The following MASP1 variants were observed in gnomAD, a reference collection of about 807,000 sequenced individuals.
MASP1 encodes the protein mannan-binding lectin serine protease 1.
Under a neutral mutation model 77.1 loss-of-function variants are expected in MASP1, and 59 were observed. The ratio of observed to expected loss-of-function variants is 0.77; its 90% confidence interval spans 0.62 to 0.95. MASP1 has a LOEUF of 0.95. Among genes scored for constraint, MASP1 ranks in the 40% least tolerant of loss-of-function variants. The pLI, the probability that MASP1 is intolerant of heterozygous loss-of-function variation, is 0.00. For missense variants in MASP1, 885 were observed against 912.9 expected (o/e 0.97, Z 0.39); for synonymous variants, 362 against 354.5 (o/e 1.02, Z -0.24).
At chr3:187,270,493 A>G (rs1194960652) in intron 2 of MASP1, among the ~76,000 whole-genome samples, 2 of 152,020 alleles carry the variant, frequency 1.3e-5, no homozygotes, top group Non-Finnish European at 2.9e-5. Context: ...CCCATTAGTA[A>G]TTTAACATCC....
chr3:187,240,223 C>T (rs1045452827), intron 10 of MASP1, among the ~76,000 whole-genome samples: 2 of 148,788 alleles, frequency 1.3e-5, no homozygotes, highest in African/African-American at 5.0e-5. Flanking sequence ...ATATACCAAC[C>T]GTGTACTAGT....
At chr3:187,264,152 G>T (rs1715829257) in intron 2 of MASP1, among the ~76,000 whole-genome samples, 1 of 152,158 alleles carries the variant, frequency 6.6e-6, no homozygotes, top group Non-Finnish European at 1.5e-5. Flanking sequence ...GAAACTAATG[G>T]TTTATTTATT....
chr3:187,259,239 C>T (rs1715356816), intron 4 of MASP1, among the ~76,000 whole-genome samples: 1 of 152,048 alleles, frequency 6.6e-6, no homozygotes, highest in South Asian at 2.1e-4. Flanking sequence ...AATGAGAAAA[C>T]TGTAGTTCTG....
chr3:187,262,185 T>G (rs1323780595), intron 3 of MASP1, among the ~76,000 whole-genome samples: 1 of 152,144 alleles, frequency 6.6e-6, no homozygotes, highest in Non-Finnish European at 1.5e-5. Context: ...TTTTCAAAAT[T>G]CAACAAATGT....
In MASP1 at chr3:187,235,720, T is replaced by C. The variant is rs775347263; in HGVS notation, c.2151A>G (p.Leu717=). The change falls in exon 11 of 11, where the codon TTA becomes TTG. Residue 717 remains leucine (L), a synonymous_variant. Transcript: ENST00000296280. ...CCTGGGGCTCCACAACACTTTGTGG[T>C]AAGCCCATCTGCTCCCACACCCAGT... ...YVDWVWEQMG[L]PQSVVEPQVE... 2 of 1,614,154 alleles carry C rather than the reference T, an allele frequency of 1.2e-6. No homozygotes were observed. The highest frequency in any genetic ancestry group is 8.5e-7 in the Non-Finnish European group (1 of 1,180,014).
At chr3:187,225,871 A>C (rs1327663095) in intron 12 of MASP1, among the ~76,000 whole-genome samples, 1 of 152,124 alleles carries the variant, frequency 6.6e-6, no homozygotes, top group Non-Finnish European at 1.5e-5. Flanking sequence ...CTCCCATGGC[A>C]TTTTATCTGT....
At chr3:187,288,067 G>T in intron 1 of MASP1, among the ~76,000 whole-genome samples, 1 of 152,138 alleles carries the variant, frequency 6.6e-6, no homozygotes, top group East Asian at 1.9e-4. Flanking sequence ...GTTTACATTT[G>T]TCAAGAAGGA....
At chr3:187,282,441 G>A (rs1271547764) in intron 2 of MASP1, among the ~76,000 whole-genome samples, 1 of 149,802 alleles carries the variant, frequency 6.7e-6, no homozygotes, top group Non-Finnish European at 1.5e-5. Context: ...AGTTTGCACT[G>A]AGCCGAGATC....
At chr3:187,271,026 C>T (rs1244439177) in intron 2 of MASP1, among the ~76,000 whole-genome samples, 2 of 152,174 alleles carry the variant, frequency 1.3e-5, no homozygotes, top group Non-Finnish European at 2.9e-5. Context: ...TATCACACAG[C>T]AATAGATAAC....
At chr3:187,270,114 T>C (rs1349061518) in intron 2 of MASP1, among the ~76,000 whole-genome samples, 2 of 152,252 alleles carry the variant, frequency 1.3e-5, no homozygotes, top group African/African-American at 4.8e-5. Context: ...CACTGCTCAT[T>C]GATTGGCCTA....
intron 8 of MASP1, chr3:187,246,945 T>C: frequency 1.8e-6 from 2 of 1,097,534 alleles, no homozygotes; most frequent in African/African-American, 3.3e-5. Context: ...AAACTTGACA[T>C]GTAGAATGGA....
Position 187,241,392 on chromosome 3 carries a change from C to A in MASP1, c.1303+89G>T, listed in dbSNP as rs181172370. 90 of 995,692 alleles carry A rather than the reference C, an allele frequency of 9.0e-5. 1 individual carries two copies. Among genetic ancestry groups the A allele is most frequent in the East Asian group, 6.0e-4 (25 of 41,932 alleles). The allele number at this position is 995,692 out of a possible 1,614,324, so 61.7% of individuals were successfully genotyped here. On this transcript the variant is annotated intron_variant, in intron 10 of 10. Coordinates refer to ENST00000296280, the MANE Select transcript of MASP1 (RefSeq NM_139125.4). ...CAACCAAAGCATCACCTCCCCTGTC[C>A]CCCATCACCCTGTTAACAGCCAGAA...
At chr3:187,224,340 A>ATTTTTTTT (rs1181826969) in intron 13 of MASP1, among the ~76,000 whole-genome samples, 3 of 102,064 alleles carry the variant, frequency 2.9e-5, no homozygotes, top group East Asian at 2.7e-4. Context: ...TGTGCTGAGT[A>ATTTTTTTT]TTTTTTTTTT....
At chr3:187,275,952 G>A (rs1378690097) in intron 2 of MASP1, among the ~76,000 whole-genome samples, 1 of 152,100 alleles carries the variant, frequency 6.6e-6, no homozygotes, top group Admixed American at 6.5e-5. Flanking sequence ...CAGGAACCCT[G>A]TTTTCCAGTC....
chr3:187,275,737 G>T (rs903775360), intron 2 of MASP1, among the ~76,000 whole-genome samples: 1 of 152,080 alleles, frequency 6.6e-6, no homozygotes, highest in Non-Finnish European at 1.5e-5. Flanking sequence ...CTATCTGAAT[G>T]TCGAATGATA....
Position 187,236,265 on chromosome 3 carries a change from C to G in MASP1, c.1606G>C (p.Ala536Pro), listed in dbSNP as rs1487484849. 6 of 1,614,108 alleles carry G rather than the reference C, an allele frequency of 3.7e-6. No homozygotes were observed. In the African/African-American group the frequency reaches 8.0e-5, roughly 22 times the overall value. The change falls in exon 11 of 11, where the codon GCT (alanine) becomes CCT (proline). Residue 536 changes from alanine to proline, a missense_variant. Ala to Pro is a conservative substitution (Grantham distance 27). Coordinates refer to ENST00000296280, the MANE Select transcript of MASP1 (RefSeq NM_139125.4). Reference sequence around the variant, plus strand: ...TCTGGGTGGAGCACCACTCGGGCAGCTGAGCTGTTGACTGCCCCCGATTTG... The same window carrying G: ...TCTGGGTGGAGCACCACTCGGGCAGGTGAGCTGTTGACTGCCCCCGATTTG... ...RDKSGAVNSS[A>P]ARVVLHPDFN...
intron 12 of MASP1, among the ~76,000 whole-genome samples, chr3:187,226,018 T>C (rs1712406125): frequency 6.6e-6 from 1 of 152,238 alleles, no homozygotes. Flanking sequence ...GATCCTGGCA[T>C]AATGTCAGTA....
At chr3:187,240,263 T>C (rs1171159460) in intron 10 of MASP1, among the ~76,000 whole-genome samples, 1 of 152,014 alleles carries the variant, frequency 6.6e-6, no homozygotes, top group Non-Finnish European at 1.5e-5. Context: ...TACTGTAGGG[T>C]TACTGAAATG....
At chr3:187,286,161 G>T in intron 1 of MASP1, 105 bp from the exon 2 acceptor site, 1 of 919,530 alleles carries the variant, frequency 1.1e-6, no homozygotes, top group Non-Finnish European at 1.7e-6. Flanking sequence ...CTCTGTCTCT[G>T]GCCTGCCGTA....
Sources: allele counts gnomAD v4.1 joint callset (sites outside exome capture counted in the v4.1 genomes callset), GRCh38; gene constraint gnomAD v4.1.1; transcripts MANE v1.5; gene names NCBI Gene and HGNC (gene_info 2026-07-23, HGNC 2026-07-21).